SELENOF: variants seen among roughly 807,000 people sequenced by gnomAD.
SELENOF encodes the protein selenoprotein F, also known as 15 kDa selenoprotein.
A neutral mutation model predicts 20.5 loss-of-function variants in SELENOF; 16 were observed. The observed-to-expected ratio is 0.78, with a 90% CI of 0.53 to 1.19. The LOEUF (loss-of-function observed/expected upper bound fraction) is 1.19. Ranked by LOEUF, SELENOF falls within the 50% of genes most tolerant of loss-of-function variation. The probability of loss-of-function intolerance (pLI) is 0.00; values close to 1 mark genes in which losing one functional copy is unlikely to be tolerated. For missense variants in SELENOF, 215 were observed against 194.2 expected (o/e 1.11, Z -0.64); for synonymous variants, 78 against 74.5 (o/e 1.05, Z -0.24).
intron 1 of SELENOF, among the ~76,000 whole-genome samples, chr1:86,909,020 A>G (rs1659905331): frequency 2.0e-5 from 3 of 152,250 alleles, no homozygotes; most frequent in African/African-American, 4.8e-5. Context: ...TGTCAAGTAT[A>G]AGAAACTCAG....
In SELENOF at chr1:86,886,958, T is replaced by C. The variant is rs376869924; in HGVS notation, c.253-6233A>G. Among the ~76,000 whole-genome samples, 15 of 152,272 alleles carry C rather than the reference T, an allele frequency of 9.9e-5. No homozygotes were observed. The South Asian group carries it at 2.9e-3, about 29-fold the overall frequency. ...ACACTAATAATATCCAGTATAATTT[T>C]AAAAAATCAACTTTATTCCTTTCAT... On this transcript the variant is annotated intron_variant, in intron 2 of 4. Coordinates refer to ENST00000331835, the MANE Select transcript of SELENOF (RefSeq NM_004261.5).
intron 4 of SELENOF, among the ~76,000 whole-genome samples, chr1:86,866,406 C>T (rs1042464017): frequency 1.3e-5 from 2 of 148,656 alleles, no homozygotes; most frequent in African/African-American, 5.0e-5. Flanking sequence ...GTAGTCAAAA[C>T]TATAGAAACA....
chr1:86,876,090 G>A (rs1249960013), intron 3 of SELENOF, among the ~76,000 whole-genome samples: 1 of 151,354 alleles, frequency 6.6e-6, no homozygotes, highest in African/African-American at 2.4e-5. Flanking sequence ...AAGAGGTAAT[G>A]AAGTAAGAAA....
chr1:86,906,739 G>A (rs1174509624), intron 1 of SELENOF, among the ~76,000 whole-genome samples: 1 of 152,178 alleles, frequency 6.6e-6, no homozygotes, highest in Non-Finnish European at 1.5e-5. Context: ...AGGCCCTAGT[G>A]TTTCAACTGA....
intron 4 of SELENOF, among the ~76,000 whole-genome samples, chr1:86,867,767 C>G (rs778164640): frequency 8.4e-6 from 1 of 119,324 alleles, no homozygotes; most frequent in East Asian, 2.5e-4. Context: ...TGTACCACAC[C>G]AATGCAAGAT....
chr1:86,896,427 A>T (rs1041366215), intron 2 of SELENOF, among the ~76,000 whole-genome samples: 1 of 152,222 alleles, frequency 6.6e-6, no homozygotes, highest in Non-Finnish European at 1.5e-5. Context: ...AAAAGATGAG[A>T]AAAATAACCC....
At chr1:86,872,389 G>A (rs901341236) in intron 3 of SELENOF, among the ~76,000 whole-genome samples, 1 of 151,900 alleles carries the variant, frequency 6.6e-6, no homozygotes, top group Non-Finnish European at 1.5e-5. Context: ...TTTATTTGAG[G>A]CATAGTTTCG....
chr1:86,893,957 T>A (rs1335824572), intron 2 of SELENOF, among the ~76,000 whole-genome samples: 1 of 152,204 alleles, frequency 6.6e-6, no homozygotes, highest in Non-Finnish European at 1.5e-5. Context: ...AAGATTAATA[T>A]TGAAGATAAG....
Position 86,914,042 on chromosome 1 carries a change from TCGCCAACAACAAC to T in SELENOF, c.57_69del (p.Leu21CysfsTer20), listed in dbSNP as rs909691246. On this transcript the variant is annotated frameshift_variant, in exon 1 of 5. Coordinates refer to ENST00000331835, the MANE Select transcript of SELENOF (RefSeq NM_004261.5). LOFTEE classifies it high-confidence loss of function. ...TCTACACTCACCGCTTGAAGCACAG[TCGCCAACAACAAC>T]CGTAGCCCAAACGCCGGCACCAGAC... The T allele has an allele frequency of 6.2e-7, 1 of 1,613,858 alleles. No individual in the cohort carries two copies. The highest frequency in any genetic ancestry group is 8.5e-7 in the Non-Finnish European group (1 of 1,179,852).
chr1:86,912,731 C>A (rs1660016204), intron 1 of SELENOF, among the ~76,000 whole-genome samples: 1 of 152,130 alleles, frequency 6.6e-6, no homozygotes, highest in East Asian at 1.9e-4. Context: ...TGGAACCTTT[C>A]GGTTTAGCTG....
intron 3 of SELENOF, among the ~76,000 whole-genome samples, chr1:86,868,842 C>G (rs1337881712): frequency 6.6e-6 from 1 of 151,946 alleles, no homozygotes; most frequent in South Asian, 2.1e-4. Context: ...AACATCAGGA[C>G]AGCAAAACAC....
chr1:86,911,202 C>T (rs1397821407), intron 1 of SELENOF, among the ~76,000 whole-genome samples: 3 of 152,078 alleles, frequency 2.0e-5, no homozygotes, highest in Admixed American at 1.3e-4. Flanking sequence ...TGAGGGATAG[C>T]GAAGCTTTGT....
At chr1:86,871,780 GTA>G (rs1314746212) in intron 3 of SELENOF, among the ~76,000 whole-genome samples, 1 of 151,278 alleles carries the variant, frequency 6.6e-6, no homozygotes, top group East Asian at 1.9e-4. Context: ...TTTTAAAATT[GTA>G]TAAAAAGATT....
chr1:86,870,565 T>A (rs948272458), intron 3 of SELENOF, among the ~76,000 whole-genome samples: 49 of 152,256 alleles, frequency 3.2e-4, no homozygotes, highest in Non-Finnish European at 6.9e-4. Context: ...TTTATACATA[T>A]ATTTTTGGAT....
intron 2 of SELENOF, among the ~76,000 whole-genome samples, chr1:86,898,675 G>A (rs1221609295): frequency 6.7e-6 from 1 of 150,064 alleles, no homozygotes; most frequent in African/African-American, 2.5e-5. Context: ...TCTGCTTCAC[G>A]GGTTCAAGCG....
intron 3 of SELENOF, among the ~76,000 whole-genome samples, chr1:86,871,879 C>T (rs943987360): frequency 3.9e-5 from 6 of 152,028 alleles, no homozygotes; most frequent in Non-Finnish European, 5.9e-5. Flanking sequence ...CTGCATGAGT[C>T]ATTAAATATG....
In SELENOF at chr1:86,903,450, T is replaced by C. The variant is rs111719584; in HGVS notation, c.85-2A>G. 4 of 1,585,184 alleles carry C rather than the reference T, an allele frequency of 2.5e-6. No homozygotes were observed. Among genetic ancestry groups the C allele is most frequent in the Admixed American group, 1.8e-5 (1 of 54,304 alleles). ...AAACTCTGCCCCAAAAGCAGACACC[T>C]GAAAATAAAAAATGGGAAATAAAAC... On this transcript the variant is annotated splice_acceptor_variant, in intron 1 of 4. Transcript: ENST00000331835. LOFTEE classifies it high-confidence loss of function.
intron 2 of SELENOF, among the ~76,000 whole-genome samples, chr1:86,886,531 C>T (rs1212241305): frequency 6.6e-6 from 1 of 151,340 alleles, no homozygotes; most frequent in Non-Finnish European, 1.5e-5. Flanking sequence ...AGTATTAAAG[C>T]AATTCCACAG....
chr1:86,882,247 CAAAAAAAAAAAAA>C (rs61037512), intron 2 of SELENOF, among the ~76,000 whole-genome samples: 65 of 61,882 alleles, frequency 1.1e-3, no homozygotes, highest in African/African-American at 2.8e-3. Context: ...GACTCTGTCT[CAAAAAAAAAAAAA>C]AAAAAAAAAA....
Sources: gnomAD v4.1 joint callset for allele counts (sites outside exome capture counted in the v4.1 genomes callset) on GRCh38, gnomAD v4.1.1 for gene constraint, MANE v1.5 for transcripts, NCBI Gene and HGNC (gene_info 2026-07-23, HGNC 2026-07-21) for gene names.